The following AARS1 variants were observed in gnomAD, a reference collection of about 807,000 sequenced individuals.
AARS1 encodes alanine--tRNA ligase, cytoplasmic.
A neutral mutation model predicts 108.9 loss-of-function variants in AARS1; 72 were observed. The ratio of observed to expected loss-of-function variants is 0.66; its 90% confidence interval spans 0.55 to 0.80. The LOEUF (loss-of-function observed/expected upper bound fraction) is 0.80. Among genes scored for constraint, AARS1 ranks in the 30% least tolerant of loss-of-function variants. The pLI is 0.00. For missense variants in AARS1, 1,193 were observed against 1,233.2 expected (o/e 0.97, Z 0.49); for synonymous variants, 489 against 465.7 (o/e 1.05, Z -0.64).
At chr16:70,283,265 T>C (rs1237888327) in intron 1 of AARS1, among the ~76,000 whole-genome samples, 1 of 151,990 alleles carries the variant, frequency 6.6e-6, no homozygotes, top group African/African-American at 2.4e-5. Flanking sequence ...GGCATGGTGG[T>C]GCGTGCCTGT....
At chr16:70,282,908 A>T (rs1315140307) in intron 1 of AARS1, 124 bp from the exon 2 acceptor site, 3 of 909,214 alleles carry the variant, frequency 3.3e-6, no homozygotes, top group Non-Finnish European at 5.3e-6. Context: ...TTGATCCTAA[A>T]ACCTCTATGT....
chr16:70,262,743 C>T (rs937883718), intron 11 of AARS1, among the ~76,000 whole-genome samples: 2 of 151,540 alleles, frequency 1.3e-5, no homozygotes, highest in African/African-American at 4.8e-5. Flanking sequence ...TCGAGGCAGG[C>T]GGATCACGGG....
At chr16:70,268,468 T>C in intron 7 of AARS1, 89 bp from the exon 8 acceptor site, 1 of 1,061,038 alleles carries the variant, frequency 9.4e-7, no homozygotes, top group South Asian at 1.3e-5. Flanking sequence ...AACACCTCTT[T>C]CAGGAACTTT....
intron 9 of AARS1, among the ~76,000 whole-genome samples, chr16:70,266,972 G>A (rs1395995531): frequency 1.3e-5 from 2 of 152,106 alleles, no homozygotes; most frequent in Non-Finnish European, 2.9e-5. Context: ...AAGTAGCTGG[G>A]ATTACAGGCG....
intron 4 of AARS1, among the ~76,000 whole-genome samples, chr16:70,275,623 C>T (rs778027046): frequency 2.6e-5 from 4 of 151,222 alleles, no homozygotes; most frequent in Non-Finnish European, 5.9e-5. Context: ...ATTAGCCGGG[C>T]GTGGTGGTGG....
chr16:70,252,611 G>A lies in AARS1; in HGVS notation c.*110C>T. On this transcript the variant is annotated 3_prime_UTR_variant, in exon 21 of 21. Transcript: ENST00000261772. ...TGCTCCCAAGTGTGTTCCAGTTACTGCTGGGTTAGGAGGGGCTCTTTAAAG... is the reference window on the plus strand; with the variant it reads ...TGCTCCCAAGTGTGTTCCAGTTACTACTGGGTTAGGAGGGGCTCTTTAAAG... The A allele has an allele frequency of 1.6e-6, 2 of 1,253,336 alleles. No individual in the cohort carries two copies. The highest frequency in any genetic ancestry group is 1.2e-5 in the South Asian group (1 of 81,970). 77.6% of individuals were successfully genotyped at this position (1,253,336 alleles called of 1,614,324 possible).
At position 70,276,564 on chromosome 16, in the gene AARS1, T is replaced by C; in HGVS notation, c.401A>G (p.Tyr134Cys). Reference sequence around the variant, plus strand: ...TTCATCCCCGCCAAAGTAAGTAACATAAAGTCTTTCAATGGGAATGCCAAA... The same window carrying C: ...TTCATCCCCGCCAAAGTAAGTAACACAAAGTCTTTCAATGGGAATGCCAAA... ...QEFGIPIERL[Y>C]VTYFGGDEAA... The change falls in exon 4 of 21, where the codon TAT becomes TGT. Residue 134 changes from tyrosine to cysteine, a missense_variant. By Grantham distance (194) the Tyr-to-Cys change is radical. Coordinates refer to ENST00000261772, the MANE Select transcript of AARS1 (RefSeq NM_001605.3). The C allele has an allele frequency of 6.2e-7, 1 of 1,614,112 alleles. No homozygotes were observed. Among genetic ancestry groups the C allele is most frequent in the Non-Finnish European group, 8.5e-7 (1 of 1,180,024 alleles).
rs143787523 is a variant in AARS1 at position 70,263,966 on chromosome 16, G to A, written c.1492+992C>T. Among the ~76,000 whole-genome samples the A allele has an allele frequency of 5.2e-3, 786 of 152,140 alleles. 15 individuals are homozygous for A. The highest frequency in any genetic ancestry group is 0.018 in the African/African-American group (731 of 41,542). Reference sequence around the variant, plus strand: ...TCTTAACTTTAGAATACTATTATCCGGTCGGGCGAGATGGCTTACGCCTGT... The same window carrying A: ...TCTTAACTTTAGAATACTATTATCCAGTCGGGCGAGATGGCTTACGCCTGT... On this transcript the variant is annotated intron_variant, in intron 11 of 20. Coordinates refer to ENST00000261772, the MANE Select transcript of AARS1 (RefSeq NM_001605.3).
At chr16:70,253,172 G>A (rs1326482891) in intron 20 of AARS1, 96 bp downstream of exon 20, 27 of 1,093,516 alleles carry the variant, frequency 2.5e-5, no homozygotes, top group South Asian at 5.3e-5. Context: ...CAACCGGTGG[G>A]CAGAAAGGCT....
In AARS1 at chr16:70,277,070, G is replaced by C; in HGVS notation, c.229C>G (p.Arg77Gly). 6.2e-7 allele frequency: 1 copy of C among 1,614,108 alleles called. No homozygotes were observed. The highest frequency in any genetic ancestry group is 1.1e-5 in the South Asian group (1 of 91,078). Reference protein sequence around the residue: ...SRAANTQKCIRAGGKHNDLDD... With the variant: ...SRAANTQKCIGAGGKHNDLDD... The stretch of plus-strand genomic sequence containing the variant: ...AGGTCATTATGTTTGCCCCCAGCCC[G>C]GATGCACTTCTGGGTATTGGCAGCT... Residue 77 changes from arginine (R) to glycine (G), a missense_variant, in exon 3 of 21, where the codon CGG (arginine) becomes GGG (glycine). Arg to Gly is a moderately radical substitution (Grantham distance 125). Coordinates refer to ENST00000261772, the MANE Select transcript of AARS1 (RefSeq NM_001605.3).
At chr16:70,283,064 G>A (rs1443079502) in intron 1 of AARS1, among the ~76,000 whole-genome samples, 1 of 152,024 alleles carries the variant, frequency 6.6e-6, no homozygotes, top group Non-Finnish European at 1.5e-5. Flanking sequence ...AATATGTATC[G>A]AGCATCTGCT....
Position 70,254,667 on chromosome 16 carries a change from G to A in AARS1, c.2354C>T (p.Thr785Ile), listed in dbSNP as rs774737730. The A allele has an allele frequency of 6.2e-7, 1 of 1,614,128 alleles. No individual in the cohort carries two copies. Among genetic ancestry groups the A allele is most frequent in the East Asian group, 2.2e-5 (1 of 44,874 alleles). The change falls in exon 17 of 21, where the codon ACT becomes ATT. Residue 785 changes from threonine to isoleucine, a missense_variant. Coordinates refer to ENST00000261772, the MANE Select transcript of AARS1 (RefSeq NM_001605.3). Reference sequence around the variant, plus strand: ...CCTCTGCACATCCTTGTTTGGAGCAGTCTGAGCCTTCACTTTGGCTTCCAT... The same window carrying A: ...CCTCTGCACATCCTTGTTTGGAGCAATCTGAGCCTTCACTTTGGCTTCCAT... ...SVMEAKVKAQ[T>I]APNKDVQREI...
chr16:70,265,394 G>T, intron 10 of AARS1, 144 bp downstream of exon 10: 1 of 1,307,736 alleles, frequency 7.6e-7, no homozygotes, highest in Non-Finnish European at 1.1e-6. Flanking sequence ...CTGGAAGGCA[G>T]ACTCGCCCCC....
intron 5 of AARS1, 139 bp from the exon 6 acceptor site, chr16:70,270,479 G>C: frequency 8.1e-6 from 8 of 991,622 alleles, no homozygotes; most frequent in Middle Eastern, 2.5e-4. Flanking sequence ...TGGGAAGAGG[G>C]AAGTGGAGGG....
At position 70,252,347 on chromosome 16, in the gene AARS1, C is replaced by A. The variant is rs1371309920; in HGVS notation, c.*374G>T. 2 of 353,606 alleles carry A rather than the reference C, an allele frequency of 5.7e-6. No individual in the cohort carries two copies. The highest frequency in any genetic ancestry group is 4.2e-5 in the African/African-American group (2 of 47,752). 21.9% of individuals were successfully genotyped at this position (353,606 alleles called of 1,614,324 possible). On this transcript the variant is annotated 3_prime_UTR_variant, in exon 21 of 21. Transcript: ENST00000261772. ...AGACGCCAAAGGCTGTCAAAAGAGC[C>A]AGCCCCTATTGGGAAGAGGGATAGA... is the stretch of plus-strand genomic sequence containing the variant.
At chr16:70,258,840 C>G in intron 14 of AARS1, 140 bp downstream of exon 14, 1 of 989,192 alleles carries the variant, frequency 1.0e-6, no homozygotes, top group Non-Finnish European at 1.6e-6. Flanking sequence ...CAGGCGTGAG[C>G]TACCGTGCCC....
chr16:70,276,387 G>C (rs1960551131), intron 4 of AARS1, 99 bp downstream of exon 4: 1 of 1,379,432 alleles, frequency 7.2e-7, no homozygotes. Context: ...GGAACCCTGA[G>C]ATGCAAAATG....
chr16:70,262,931 C>CCACT (rs796928340), intron 11 of AARS1, among the ~76,000 whole-genome samples: 26 of 131,504 alleles, frequency 2.0e-4, no homozygotes, highest in African/African-American at 7.2e-4. Context: ...TTGTGCCACT[C>CCACT]CACTCCAGCC....
Position 70,282,331 on chromosome 16 carries a change from GAAAA to G in AARS1, c.144+285_144+288del, listed in dbSNP as rs57976512. On this transcript the variant is annotated intron_variant, in intron 2 of 20. Coordinates refer to ENST00000261772, the MANE Select transcript of AARS1 (RefSeq NM_001605.3). ...ATGACAGAGCGAGACTCCGTCTCAG[GAAAA>G]AAAAAAAAAAAAAAAAGCTAATGTT... Among the ~76,000 whole-genome samples, 26 of 110,318 alleles carry G rather than the reference GAAAA, an allele frequency of 2.4e-4. 1 individual carries two copies. In the South Asian group the frequency reaches 7.7e-3, roughly 33 times the overall value. 72.4% of individuals were successfully genotyped at this position (110,318 alleles called of 152,430 possible). A position where few individuals can be genotyped will look rare whatever the true frequency, so the allele number is the denominator to read the frequency against.
Sources: allele counts gnomAD v4.1 joint callset (sites outside exome capture counted in the v4.1 genomes callset), GRCh38; gene constraint gnomAD v4.1.1; transcripts MANE v1.5; gene names NCBI Gene and HGNC (gene_info 2026-07-23, HGNC 2026-07-21).